The following HPS3 variants were observed in gnomAD, a reference collection of about 807,000 sequenced individuals.
HPS3 encodes the protein HPS3 biogenesis of lysosomal organelles complex 2 subunit 1, also known as BLOC-2 complex member HPS3.
Under a neutral mutation model 110.9 loss-of-function variants are expected in HPS3, and 79 were observed. The observed-to-expected ratio is 0.71, with a 90% CI of 0.59 to 0.86. HPS3 has a LOEUF of 0.86. Ranked by LOEUF, HPS3 falls within the 40% of genes least tolerant of loss-of-function variation. The pLI is 0.00. For missense variants in HPS3, 1,197 were observed against 1,206.2 expected, an observed-to-expected ratio of 0.99 and a Z score of 0.11; for synonymous variants, 428 against 451.0, an observed-to-expected ratio of 0.95 and a Z score of 0.65.
rs1280321384 is a variant in HPS3 at position 149,141,072 on chromosome 3, G to A, written c.768G>A (p.Lys256=). The change falls in exon 3 of 17, where the codon AAG becomes AAA. Residue 256 remains lysine (K), a synonymous_variant. Coordinates refer to ENST00000296051, the MANE Select transcript of HPS3 (RefSeq NM_032383.5). ...LESDDFVICQ[K]PLELLGEKSE... ...CAGATGATTTTGTCATCTGCCAGAA[G>A]CCCCTGGAACTTCTTGGTGAAAAAA... is the stretch of plus-strand genomic sequence containing the variant. 2 of 1,613,908 alleles carry A rather than the reference G, an allele frequency of 1.2e-6. No homozygotes were observed. Among genetic ancestry groups the A allele is most frequent in the South Asian group, 2.2e-5 (2 of 91,052 alleles).
rs539086042 is a variant in HPS3 at position 149,150,599 on chromosome 3, T to C, written c.1164T>C (p.Ser388=). The change falls in exon 6 of 17, where the codon AGT becomes AGC. Residue 388 remains serine, a splice_region_variant and synonymous_variant. Transcript: ENST00000296051. ...CAGCAGCCTGTGTCTTCCTCCTCAG[T>C]AACAACCTGCAGTGTTTCACTGTGC... ...LTPQFLHVIT[S]NNLQCFTVRC... is the part of the protein sequence containing the mutation. 1 of 1,613,812 alleles carries C rather than the reference T, an allele frequency of 6.2e-7. No individual in the cohort carries two copies. The highest frequency in any genetic ancestry group is 1.7e-5 in the Admixed American group (1 of 60,014).
intron 4 of HPS3, among the ~76,000 whole-genome samples, chr3:149,144,256 G>A (rs35607011): frequency 0.17 from 25,798 of 151,066 alleles, 2,320 homozygotes; most frequent in African/African-American, 0.21. Context: ...GGTGGTGGGC[G>A]CCTGTAGTCC....
At chr3:149,150,996 A>AT (rs890053383) in intron 6 of HPS3, among the ~76,000 whole-genome samples, 3 of 146,572 alleles carry the variant, frequency 2.0e-5, no homozygotes, top group Non-Finnish European at 4.6e-5. Flanking sequence ...TTTATTTTTT[A>AT]TTTTTTTGAT....
Position 149,157,454 on chromosome 3 carries a change from G to A in HPS3, c.1614G>A (p.Gln538=). The change falls in exon 9 of 17, where the codon CAG becomes CAA. Residue 538 remains glutamine (Q), a synonymous_variant. Transcript: ENST00000296051. Reference sequence around the variant, plus strand: ...GAGCTGCCCTGATGGATGCCAGTCAGCTGGAACCTGGAGAGAAGGCAGAGC... The same window carrying A: ...GAGCTGCCCTGATGGATGCCAGTCAACTGGAACCTGGAGAGAAGGCAGAGC... The part of the protein sequence containing the change: ...LVRAALMDAS[Q]LEPGEKAELL... 1.2e-6 allele frequency: 2 copies of A among 1,613,932 alleles called. No individual in the cohort carries two copies. The highest frequency in any genetic ancestry group is 1.7e-6 in the Non-Finnish European group (2 of 1,179,864).
In HPS3 at chr3:149,149,605, A is replaced by AT. The variant is rs201304066; in HGVS notation, c.1164-988dup. 8.1e-3 allele frequency among the ~76,000 whole-genome samples: 1,224 copies of AT among 151,996 alleles called. 12 individuals carry two copies. Among genetic ancestry groups the AT allele is most frequent in the Middle Eastern group, 0.017 (5 of 292 alleles). On this transcript the variant is annotated intron_variant, in intron 5 of 16. Coordinates refer to ENST00000296051, the MANE Select transcript of HPS3 (RefSeq NM_032383.5). ...TCAGAATGCCTTTTTTTATGAGGAC[A>AT]TTTTTTAAATTTAATATTACTGTTA...
rs1559919835 is a variant in HPS3 at position 149,158,719 on chromosome 3, T to C, written c.1745T>C (p.Leu582Ser). The C allele has an allele frequency of 1.2e-6, 2 of 1,613,784 alleles. No homozygotes were observed. Among genetic ancestry groups the C allele is most frequent in the Non-Finnish European group, 1.7e-6 (2 of 1,179,750 alleles). ...TTGCCATACTATAAGATGTCTGGTT[T>C]GTCTATGGCTGAAGTTCTGGCCCGC... is the stretch of plus-strand genomic sequence containing the variant. ...LTLPYYKMSG[L>S]SMAEVLARTD... Residue 582 changes from leucine to serine, a missense_variant, in exon 10 of 17, where the codon TTG becomes TCG. Transcript: ENST00000296051.
At chr3:149,136,822 TTAA>T (rs1159849929) in intron 1 of HPS3, among the ~76,000 whole-genome samples, 6 of 152,174 alleles carry the variant, frequency 3.9e-5, no homozygotes, top group Non-Finnish European at 5.9e-5. Context: ...TAAACATTAG[TTAA>T]TATATGAATT....
Position 149,172,350 on chromosome 3 carries a change from A to ACG in HPS3, c.*129_*130insGC, listed in dbSNP as rs886058082. ...CACACACACACACACACACACACAC[A>ACG]CACACATATATGATACAAATGCTTT... On this transcript the variant is annotated 3_prime_UTR_variant, in exon 17 of 17. Transcript: ENST00000296051. 2.2e-3 allele frequency: 1,515 copies of ACG among 697,696 alleles called. 13 individuals carry two copies. Among genetic ancestry groups the ACG allele is most frequent in the Non-Finnish European group, 2.6e-3 (1,033 of 401,682 alleles). The allele number at this position is 697,696 out of a possible 1,614,324, so 43.2% of individuals were successfully genotyped here.
rs775879878 is a variant in HPS3, at chr3:149,162,273, A to C, written c.2232A>C (p.Ser744=). ...KETQPGLLVA[S]VLGLQKNNKI... is the part of the protein sequence containing the mutation. ...CTCAGCCTGGATTGCTTGTGGCTTC[A>C]GTTCTGGGCTTGCAGAAGAACAACA... Residue 744 remains serine (S), a synonymous_variant, in exon 12 of 17, where the codon TCA becomes TCC. Coordinates refer to ENST00000296051, the MANE Select transcript of HPS3 (RefSeq NM_032383.5). 1.2e-6 allele frequency: 2 copies of C among 1,614,054 alleles called. No homozygotes were observed. The highest frequency in any genetic ancestry group is 1.7e-6 in the Non-Finnish European group (2 of 1,179,956).
In HPS3 at chr3:149,136,583, A is replaced by C. The variant is rs188903295; in HGVS notation, c.218-3421A>C. 7.2e-5 allele frequency among the ~76,000 whole-genome samples: 11 copies of C among 152,156 alleles called. No individual in the cohort carries two copies. The South Asian group carries it at 2.3e-3, about 32-fold the overall frequency. On this transcript the variant is annotated intron_variant, in intron 1 of 16. Coordinates refer to ENST00000296051, the MANE Select transcript of HPS3 (RefSeq NM_032383.5). ...TAATTTGTTCGTTGTGTTGCCTTGG[A>C]CAAGTTACTTTGCTTGTCTGTGCTT... is the stretch of plus-strand genomic sequence containing the variant.
At chr3:149,132,435 C>T (rs1277136167) in intron 1 of HPS3, among the ~76,000 whole-genome samples, 1 of 152,168 alleles carries the variant, frequency 6.6e-6, no homozygotes, top group African/African-American at 2.4e-5. Context: ...ATGAAAAAAG[C>T]CTGGGTGACA....
chr3:149,168,575 A>G (rs1724663986), intron 16 of HPS3: 1 of 152,384 alleles, frequency 6.6e-6, no homozygotes, highest in African/African-American at 2.4e-5. Flanking sequence ...CACATAAAAT[A>G]TTAGAAATTG....
At chr3:149,166,957 A>T in intron 14 of HPS3, 77 bp from the exon 15 acceptor site, 1 of 1,154,438 alleles carries the variant, frequency 8.7e-7, no homozygotes, top group Non-Finnish European at 1.3e-6. Context: ...GTTTAGTCTT[A>T]AGAAATTGAA....
intron 16 of HPS3, among the ~76,000 whole-genome samples, chr3:149,169,724 G>A (rs1724790562): frequency 6.6e-6 from 1 of 152,290 alleles, no homozygotes; most frequent in South Asian, 2.1e-4. Flanking sequence ...CCATTAAAAT[G>A]GGTTAGTGGA....
chr3:149,172,476 G>C lies in HPS3; in HGVS notation c.*254G>C. 2.9e-6 allele frequency: 1 copy of C among 349,680 alleles called. No homozygotes were observed. Among genetic ancestry groups the C allele is most frequent in the Non-Finnish European group, 5.4e-6 (1 of 186,166 alleles). 21.7% of individuals were successfully genotyped at this position (349,680 alleles called of 1,614,324 possible). A position where few individuals can be genotyped will look rare whatever the true frequency, so the allele number is the denominator to read the frequency against. ...AATGTAAAAAGTCTTTAAGACATAA[G>C]AATTCCTCAAAGAAGCCATACATTT... On this transcript the variant is annotated 3_prime_UTR_variant, in exon 17 of 17. Transcript: ENST00000296051.
In HPS3 at chr3:149,157,545, C is replaced by G. The variant is rs755966280; in HGVS notation, c.1691+14C>G. On this transcript the variant is annotated intron_variant, in intron 9 of 16. Transcript: ENST00000296051. ...CTGTTACAGCAGGTGGGTGACACCT[C>G]TTGGAACCTTGTTACAGAAGTCATC... 1.4e-5 allele frequency: 22 copies of G among 1,611,746 alleles called. No individual in the cohort carries two copies. The South Asian group carries it at 2.3e-4, about 17-fold the overall frequency.
intron 6 of HPS3, among the ~76,000 whole-genome samples, chr3:149,151,555 C>T (rs1482957200): frequency 8.5e-6 from 1 of 117,140 alleles, no homozygotes; most frequent in Non-Finnish European, 1.6e-5. Flanking sequence ...TCAATAATCT[C>T]ATTTTTAGTG....
intron 14 of HPS3, among the ~76,000 whole-genome samples, chr3:149,165,476 C>T (rs1220553547): frequency 7.6e-6 from 1 of 131,380 alleles, no homozygotes; most frequent in East Asian, 2.1e-4. Context: ...TCTGCCTAAA[C>T]TTTTATAATT....
Position 149,166,985 on chromosome 3 carries a change from T to C in HPS3, c.2590-49T>C, listed in dbSNP as rs572152532. On this transcript the variant is annotated intron_variant, in intron 14 of 16. Transcript: ENST00000296051. ...AAATTGAATTCTGCATGTTGTGTTTTAGTTTTTGAGGTGCCTCATTTCATA... is the reference window on the plus strand; with the variant it reads ...AAATTGAATTCTGCATGTTGTGTTTCAGTTTTTGAGGTGCCTCATTTCATA... The C allele has an allele frequency of 2.9e-6, 4 of 1,393,180 alleles. No individual in the cohort carries two copies. In the South Asian group the frequency reaches 3.5e-5, roughly 12 times the overall value. The allele number at this position is 1,393,180 out of a possible 1,614,324, so 86.3% of individuals were successfully genotyped here. A position where few individuals can be genotyped will look rare whatever the true frequency, so the allele number is the denominator to read the frequency against.
Sources: allele counts gnomAD v4.1 joint callset (sites outside exome capture counted in the v4.1 genomes callset), GRCh38; gene constraint gnomAD v4.1.1; transcripts MANE v1.5; gene names NCBI Gene and HGNC (gene_info 2026-07-23, HGNC 2026-07-21).